Variants in NEK1 observed in about 807,000 individuals in gnomAD.
NEK1 encodes the protein NIMA related kinase 1, also known as serine/threonine-protein kinase Nek1.
Under a neutral mutation model 182.1 loss-of-function variants are expected in NEK1, and 137 were observed. The observed-to-expected ratio is 0.75, with a 90% CI of 0.65 to 0.87. NEK1 has a LOEUF of 0.87. Ranked by LOEUF, NEK1 falls within the 40% of genes least tolerant of loss-of-function variation. The pLI is 0.00. For missense variants in NEK1, 1,391 were observed against 1,494.4 expected, an observed-to-expected ratio of 0.93 and a Z score of 1.14; for synonymous variants, 513 against 492.2, an observed-to-expected ratio of 1.04 and a Z score of -0.56.
chr4:169,561,381 T>C, intron 16 of NEK1, 99 bp downstream of exon 16: 2 of 1,041,444 alleles, frequency 1.9e-6, no homozygotes, highest in South Asian at 1.4e-5. Context: ...AATTGTACAC[T>C]AAAGAAAGAA....
intron 27 of NEK1, among the ~76,000 whole-genome samples, chr4:169,444,097 A>C (rs1018697323): frequency 2.1e-4 from 32 of 152,200 alleles, no homozygotes; most frequent in African/African-American, 7.0e-4. Context: ...CCATGCAAGC[A>C]CATTAAAGTA....
intron 23 of NEK1, among the ~76,000 whole-genome samples, chr4:169,483,752 A>G (rs537930260): frequency 6.6e-6 from 1 of 151,386 alleles, no homozygotes; most frequent in African/African-American, 2.4e-5. Flanking sequence ...TGTAGTCCCA[A>G]GTACTCGGGA....
chr4:169,486,602 T>C (rs911853622), intron 23 of NEK1, among the ~76,000 whole-genome samples: 1 of 152,206 alleles, frequency 6.6e-6, no homozygotes, highest in Admixed American at 6.5e-5. Context: ...AAATTCATAT[T>C]TAATGTCTCA....
chr4:169,418,064 T>C (rs1734835667), intron 31 of NEK1, among the ~76,000 whole-genome samples: 1 of 152,152 alleles, frequency 6.6e-6, no homozygotes, highest in Non-Finnish European at 1.5e-5. Context: ...CCAAAACAGC[T>C]GGGGAGTTGT....
At chr4:169,561,127 G>A (rs981108578) in intron 16 of NEK1, among the ~76,000 whole-genome samples, 8 of 152,168 alleles carry the variant, frequency 5.3e-5, no homozygotes, top group Admixed American at 3.3e-4. Context: ...AGATTAAGAA[G>A]CATCTTCTGA....
chr4:169,571,184 AAATAAAT>A (rs1561437386), intron 12 of NEK1, among the ~76,000 whole-genome samples: 22 of 79,400 alleles, frequency 2.8e-4, no homozygotes, highest in African/African-American at 4.8e-4. Flanking sequence ...ATAAAAAAAT[AAATAAAT>A]AAATAAATAA....
At chr4:169,569,825 G>T (rs1044411911) in intron 12 of NEK1, among the ~76,000 whole-genome samples, 2 of 152,176 alleles carry the variant, frequency 1.3e-5, no homozygotes, top group Non-Finnish European at 2.9e-5. Context: ...GTGCAGTGTC[G>T]TGATCTCGGC....
In NEK1 at chr4:169,426,116, A is replaced by C. The variant is rs763408990; in HGVS notation, c.2974+30T>G. 6 of 1,516,708 alleles carry C rather than the reference A, an allele frequency of 4.0e-6. No individual in the cohort carries two copies. In the Admixed American group the frequency reaches 5.1e-5, roughly 13 times the overall value. The allele number at this position is 1,516,708 out of a possible 1,614,324, so 94.0% of individuals were successfully genotyped here. A position where few individuals can be genotyped will look rare whatever the true frequency, so the allele number is the denominator to read the frequency against. On this transcript the variant is annotated intron_variant, in intron 30 of 35. Transcript: ENST00000507142. ...TTAATAATCATTAACATCTTCCAGA[A>C]AGTAATTAGACTAATGCAATGATGC...
chr4:169,453,071 A>G (rs910456650), intron 27 of NEK1, among the ~76,000 whole-genome samples: 1 of 152,204 alleles, frequency 6.6e-6, no homozygotes, highest in African/African-American at 2.4e-5. Flanking sequence ...AATAGCTACA[A>G]AGAGAATAAA....
At chr4:169,453,803 TC>T (rs1173616742) in intron 27 of NEK1, among the ~76,000 whole-genome samples, 1 of 152,232 alleles carries the variant, frequency 6.6e-6, no homozygotes, top group African/African-American at 2.4e-5. Context: ...AAATCTCTGT[TC>T]GGGGCTCTCA....
At chr4:169,436,817 T>C (rs1051199501) in intron 28 of NEK1, among the ~76,000 whole-genome samples, 4 of 152,316 alleles carry the variant, frequency 2.6e-5, no homozygotes, top group Admixed American at 6.5e-5. Flanking sequence ...CAGACCCTCT[T>C]TGATAGAGAA....
chr4:169,444,422 A>T (rs1740104285), intron 27 of NEK1, among the ~76,000 whole-genome samples: 1 of 152,200 alleles, frequency 6.6e-6, no homozygotes, highest in South Asian at 2.1e-4. Context: ...AGAAAAAGAT[A>T]TTCCATGCAA....
intron 12 of NEK1, among the ~76,000 whole-genome samples, chr4:169,567,752 C>T (rs1303585741): frequency 6.6e-6 from 1 of 152,112 alleles, no homozygotes; most frequent in Admixed American, 6.5e-5. Context: ...TTATTTAGTT[C>T]TCAATGGTCT....
In NEK1 at chr4:169,562,001, T is replaced by A. The variant is rs199972080; in HGVS notation, c.1081-110A>T. On this transcript the variant is annotated intron_variant, in intron 13 of 35. Coordinates refer to ENST00000507142, the MANE Select transcript of NEK1 (RefSeq NM_001199397.3). ...AGGTATGTTCAATGAGGTTTTTTTT[T>A]TAAAAAAAAAAAGAAGTTATAGGTA... The A allele has an allele frequency of 7.2e-3, 6,675 of 928,434 alleles. 68 individuals are homozygous for A. In the South Asian group the frequency reaches 0.078, roughly 11 times the overall value. 57.5% of individuals were successfully genotyped at this position (928,434 alleles called of 1,614,324 possible).
intron 19 of NEK1, among the ~76,000 whole-genome samples, chr4:169,532,765 T>A (rs1186779319): frequency 6.3e-5 from 9 of 143,880 alleles, no homozygotes; most frequent in Admixed American, 3.6e-4. Context: ...CAAGGTGAAA[T>A]CCTATCTCTA....
intron 31 of NEK1, among the ~76,000 whole-genome samples, chr4:169,418,535 C>T (rs79787037): frequency 0.025 from 3,772 of 151,978 alleles, 128 homozygotes; most frequent in African/African-American, 0.083. Flanking sequence ...AGGATAAACA[C>T]GAACATAATG....
At chr4:169,475,501 G>C (rs1353588303) in intron 26 of NEK1, among the ~76,000 whole-genome samples, 1 of 151,940 alleles carries the variant, frequency 6.6e-6, no homozygotes, top group Admixed American at 6.6e-5. Flanking sequence ...TAAATCTCCA[G>C]AATAATTACA....
At position 169,602,192 on chromosome 4, in the gene NEK1, T is replaced by C. The variant is rs1581090675; in HGVS notation, c.118-88A>G. ...CAATAGGTGAGTGGTTAAAACATAATAGTATTAATACAGTTCAATCAACAA... is the reference window on the plus strand; with the variant it reads ...CAATAGGTGAGTGGTTAAAACATAACAGTATTAATACAGTTCAATCAACAA... On this transcript the variant is annotated intron_variant, in intron 3 of 35. Coordinates refer to ENST00000507142, the MANE Select transcript of NEK1 (RefSeq NM_001199397.3). 5 of 884,920 alleles carry C rather than the reference T, an allele frequency of 5.7e-6. No individual in the cohort carries two copies. In the East Asian group the frequency reaches 9.7e-5, roughly 17 times the overall value. 54.8% of individuals were successfully genotyped at this position (884,920 alleles called of 1,614,324 possible). A position where few individuals can be genotyped will look rare whatever the true frequency, so the allele number is the denominator to read the frequency against.
In NEK1 at chr4:169,585,375, G is replaced by GT; in HGVS notation, c.780dup (p.Arg261ThrfsTer3). 1 of 1,613,240 alleles carries GT rather than the reference G, an allele frequency of 6.2e-7. No homozygotes were observed. Among genetic ancestry groups the GT allele is most frequent in the Non-Finnish European group, 8.5e-7 (1 of 1,179,536 alleles). On this transcript the variant is annotated frameshift_variant, in exon 10 of 36. Coordinates refer to ENST00000507142, the MANE Select transcript of NEK1 (RefSeq NM_001199397.3). LOFTEE classifies it high-confidence loss of function. ...TGAGGAGAGAGAAACTTTTCAATGC[G>GT]TTTGGCTATAAAACCTTTCTCCAAT... is the stretch of plus-strand genomic sequence containing the variant.
Sources: allele counts gnomAD v4.1 joint callset (sites outside exome capture counted in the v4.1 genomes callset), GRCh38; gene constraint gnomAD v4.1.1; transcripts MANE v1.5; gene names NCBI Gene and HGNC (gene_info 2026-07-23, HGNC 2026-07-21).